DNAH3: variants seen among roughly 807,000 people sequenced by gnomAD.
DNAH3 encodes the protein dynein axonemal heavy chain 3.
Under a neutral mutation model 432.5 loss-of-function variants are expected in DNAH3, and 332 were observed. That is an observed-to-expected ratio of 0.77 (90% CI 0.70 to 0.84). The LOEUF is 0.84. Ranked by LOEUF, DNAH3 falls within the 40% of genes least tolerant of loss-of-function variation. The pLI, the probability that DNAH3 is intolerant of heterozygous loss-of-function variation, is 0.00. For missense variants in DNAH3, 4,861 were observed against 5,114.0 expected, an observed-to-expected ratio of 0.95 and a Z score of 1.51; for synonymous variants, 1,956 against 1,900.2, an observed-to-expected ratio of 1.03 and a Z score of -0.76.
chr16:20,985,864 G>A (rs533716504), intron 47 of DNAH3, 149 bp from the exon 48 acceptor site: 148 of 849,746 alleles, frequency 1.7e-4, no homozygotes, highest in Non-Finnish European at 2.3e-4. Flanking sequence ...GTTTTGTTTC[G>A]TTTTGTTTTG....
At chr16:21,051,733 C>G (rs1212658088) in exon 29 of DNAH3, 1 of 1,613,986 alleles carries the variant, frequency 6.2e-7, no homozygotes, top group Admixed American at 1.7e-5. Flanking sequence ...GTACTCATAG[C>G]CATACAAGGC....
intron 14 of DNAH3, among the ~76,000 whole-genome samples, chr16:21,111,200 A>G (rs1296576259): frequency 6.6e-6 from 1 of 152,176 alleles, no homozygotes; most frequent in Non-Finnish European, 1.5e-5. Flanking sequence ...GAACAACAGA[A>G]TTCCCGGACC....
chr16:20,951,572 T>A (rs1441779487), intron 56 of DNAH3, among the ~76,000 whole-genome samples: 1 of 151,212 alleles, frequency 6.6e-6, no homozygotes, highest in Non-Finnish European at 1.5e-5. Flanking sequence ...GTCCCCTGAG[T>A]AGCTAGGACT....
intron 3 of DNAH3, among the ~76,000 whole-genome samples, chr16:21,142,719 T>C (rs932174239): frequency 1.8e-4 from 28 of 151,678 alleles, no homozygotes; most frequent in Non-Finnish European, 3.2e-4. Flanking sequence ...AGTGGCATGA[T>C]TTCAGCTCAC....
chr16:21,145,483 C>T, intron 2 of DNAH3, 77 bp from the exon 4 acceptor site: 2 of 1,308,710 alleles, frequency 1.5e-6, no homozygotes, highest in Non-Finnish European at 2.2e-6. Flanking sequence ...CACACTGAGG[C>T]TCACAAGAGT....
chr16:20,988,042 T>A (rs749371379), exon 45 of DNAH3: 1 of 1,614,158 alleles, frequency 6.2e-7, no homozygotes, highest in East Asian at 2.2e-5. Context: ...ATGGAAATGA[T>A]ATTCAGATGG....
chr16:21,024,611 C>T (rs1401175416), exon 39 of DNAH3: 21 of 1,610,696 alleles, frequency 1.3e-5, no homozygotes, highest in Non-Finnish European at 1.7e-5. Flanking sequence ...CTTTGTGCTC[C>T]TTGGTGAGAC....
intron 55 of DNAH3, among the ~76,000 whole-genome samples, chr16:20,953,873 G>T (rs2084431110): frequency 6.6e-6 from 1 of 151,924 alleles, no homozygotes; most frequent in Non-Finnish European, 1.5e-5. Flanking sequence ...GCCTCCCAAA[G>T]TACTGGGATT....
chr16:21,140,636 C>T (rs1567862768), exon 5 of DNAH3: 5 of 1,614,150 alleles, frequency 3.1e-6, no homozygotes, highest in Admixed American at 1.7e-5. Flanking sequence ...TGGTCTGCTT[C>T]CTGGGAACGT....
Position 21,138,007 on chromosome 16 carries a change from G to A in DNAH3, c.697-1494C>T, listed in dbSNP as rs1273716125. On this transcript the variant is annotated intron_variant, in intron 5 of 61. Transcript: ENST00000261383. The stretch of plus-strand genomic sequence containing the variant: ...TCATGCCTGTAATCCCAGCACTTTG[G>A]GAGGCCAAGGCGGGTGGATCACCTG... Among the ~76,000 whole-genome samples the A allele has an allele frequency of 3.9e-5, 6 of 152,036 alleles. No individual in the cohort carries two copies. In the South Asian group the frequency reaches 1.2e-3, roughly 32 times the overall value.
At chr16:21,114,997 G>A (rs1480006039) in intron 12 of DNAH3, among the ~76,000 whole-genome samples, 1 of 151,944 alleles carries the variant, frequency 6.6e-6, no homozygotes, top group African/African-American at 2.4e-5. Flanking sequence ...AAACCCAAAT[G>A]TCCATCAATG....
At chr16:21,101,008 C>A (rs1362342688) in intron 16 of DNAH3, among the ~76,000 whole-genome samples, 1 of 152,180 alleles carries the variant, frequency 6.6e-6, no homozygotes, top group East Asian at 1.9e-4. Context: ...AACACACACA[C>A]ATACAAACAA....
At position 21,104,352 on chromosome 16, in the gene DNAH3, C is replaced by T. The variant is rs879036524; in HGVS notation, c.2366+119G>A. On this transcript the variant is annotated intron_variant, in intron 16 of 61. Coordinates refer to ENST00000261383, the Ensembl canonical transcript of DNAH3. ...GCCTTCTCCACCAATTGTTTTCAGA[C>T]TTCGCCCACACGTTGCCATGGAGTG... 3 of 827,546 alleles carry T rather than the reference C, an allele frequency of 3.6e-6. No homozygotes were observed. The South Asian group carries it at 4.7e-5, about 13-fold the overall frequency. The allele number at this position is 827,546 out of a possible 1,614,324, so 51.3% of individuals were successfully genotyped here.
At chr16:21,127,749 A>C (rs1405095805) in exon 8 of DNAH3, 1 of 1,614,142 alleles carries the variant, frequency 6.2e-7, no homozygotes, top group East Asian at 2.2e-5. Flanking sequence ...AAAATTCCTG[A>C]GGCTGCAGAG....
At chr16:20,971,849 C>T (rs2085356725) in intron 51 of DNAH3, among the ~76,000 whole-genome samples, 1 of 152,216 alleles carries the variant, frequency 6.6e-6, no homozygotes, top group Non-Finnish European at 1.5e-5. Flanking sequence ...CAAAGTACAG[C>T]AGTTTTGAAG....
chr16:20,965,603 C>A (rs2085020191), intron 52 of DNAH3, among the ~76,000 whole-genome samples, 178 bp from the exon 53 acceptor site: 2 of 152,118 alleles, frequency 1.3e-5, no homozygotes, highest in African/African-American at 2.4e-5. Flanking sequence ...TTATAAAGGA[C>A]CTTCCTTCAA....
chr16:20,974,755 A>G lies in DNAH3; in HGVS notation c.8259+478T>C, dbSNP rs940257225. Reference sequence around the variant, plus strand: ...GTCTTAATGCTTCCTGGTTTCAGCGATGTTTCAGAACAACTTCCTTCATCA... The same window carrying G: ...GTCTTAATGCTTCCTGGTTTCAGCGGTGTTTCAGAACAACTTCCTTCATCA... On this transcript the variant is annotated intron_variant, in intron 51 of 61. Coordinates refer to ENST00000261383, the Ensembl canonical transcript of DNAH3. Among the ~76,000 whole-genome samples the G allele has an allele frequency of 4.6e-5, 7 of 151,344 alleles. No individual in the cohort carries two copies. The East Asian group carries it at 1.4e-3, about 30-fold the overall frequency.
At chr16:20,968,924 T>C (rs899467787) in intron 52 of DNAH3, among the ~76,000 whole-genome samples, 9 of 152,104 alleles carry the variant, frequency 5.9e-5, no homozygotes, top group Non-Finnish European at 1.0e-4. Context: ...TGGCACTCCA[T>C]GTGTCTCTGC....
At chr16:20,967,492 CT>C (rs756357963) in intron 52 of DNAH3, among the ~76,000 whole-genome samples, 1,322 of 52,764 alleles carry the variant, frequency 0.025, 3 homozygotes, top group African/African-American at 0.054. Flanking sequence ...CAGACTTCTG[CT>C]TTTTTTTTTT....
Sources: allele counts gnomAD v4.1 joint callset (sites outside exome capture counted in the v4.1 genomes callset), GRCh38; gene constraint gnomAD v4.1.1; transcripts MANE v1.5; gene names NCBI Gene and HGNC (gene_info 2026-07-23, HGNC 2026-07-21).